Variants in AKAP6 observed in about 807,000 individuals in gnomAD.
The protein encoded by AKAP6 is A-kinase anchor protein 6.
A neutral mutation model predicts 188.5 loss-of-function variants in AKAP6; 58 were observed. That is an observed-to-expected ratio of 0.31 (90% CI 0.25 to 0.38). The LOEUF is 0.38. Among genes scored for constraint, AKAP6 ranks in the 10% least tolerant of loss-of-function variants. The probability of loss-of-function intolerance (pLI) is 1.00; values close to 1 mark genes in which losing one functional copy is unlikely to be tolerated. For synonymous variants in AKAP6, 989 were observed against 998.6 expected (o/e 0.99, Z 0.18); for missense variants, 2,710 against 2,740.0 (o/e 0.99, Z 0.24).
chr14:32,718,988 A>G (rs974210955), intron 9 of AKAP6, among the ~76,000 whole-genome samples: 5 of 152,326 alleles, frequency 3.3e-5, no homozygotes, highest in Admixed American at 3.3e-4. Flanking sequence ...TTCTGAAACC[A>G]TACTTATCCT....
chr14:32,424,748 G>A (rs976311130), intron 1 of AKAP6, among the ~76,000 whole-genome samples: 14 of 152,102 alleles, frequency 9.2e-5, no homozygotes, highest in Non-Finnish European at 1.0e-4. Flanking sequence ...GTGAGAACAT[G>A]CAGTATTTGG....
chr14:32,528,899 A>G (rs934973088), intron 2 of AKAP6, among the ~76,000 whole-genome samples: 2 of 152,062 alleles, frequency 1.3e-5, no homozygotes, highest in Non-Finnish European at 2.9e-5. Flanking sequence ...GCTTGTCTTA[A>G]ACTCCTGACT....
intron 2 of AKAP6, among the ~76,000 whole-genome samples, chr14:32,462,041 A>C (rs1465272808): frequency 2.6e-5 from 4 of 152,192 alleles, no homozygotes; most frequent in South Asian, 4.1e-4. Context: ...AAAAGAATGA[A>C]AAGGAATGAA....
At chr14:32,408,293 G>A (rs1889364195) in intron 1 of AKAP6, among the ~76,000 whole-genome samples, 1 of 152,030 alleles carries the variant, frequency 6.6e-6, no homozygotes, top group African/African-American at 2.4e-5. Context: ...AAATTTTAAT[G>A]ATTCTTCAAA....
chr14:32,594,049 A>AT (rs1223074371), intron 5 of AKAP6, among the ~76,000 whole-genome samples: 2 of 152,140 alleles, frequency 1.3e-5, no homozygotes, highest in Non-Finnish European at 1.5e-5. Flanking sequence ...ATTCGTAATG[A>AT]TTTTTTTAGC....
At chr14:32,604,808 A>T (rs1271303738) in intron 7 of AKAP6, among the ~76,000 whole-genome samples, 1 of 152,198 alleles carries the variant, frequency 6.6e-6, no homozygotes, top group Non-Finnish European at 1.5e-5. Context: ...GTAAATATAC[A>T]AGACTTCATT....
chr14:32,720,903 A>T (rs537483250), intron 9 of AKAP6, among the ~76,000 whole-genome samples: 1 of 152,198 alleles, frequency 6.6e-6, no homozygotes, highest in Non-Finnish European at 1.5e-5. Flanking sequence ...TTCAACAGAA[A>T]TAGCTGTGTT....
chr14:32,609,770 TA>T (rs1242581411), intron 7 of AKAP6, among the ~76,000 whole-genome samples: 1 of 151,984 alleles, frequency 6.6e-6, no homozygotes, highest in African/African-American at 2.4e-5. Flanking sequence ...TGGTAGAAGC[TA>T]AAAAACATTG....
Position 32,546,220 on chromosome 14 carries a change from A to G in AKAP6, c.1567A>G (p.Asn523Asp), listed in dbSNP as rs547688973. ...RGTGSGKQAK[N>D]TKSSAVPNGE... Reference sequence around the variant, plus strand: ...GACTGGTTCAGGCAAACAAGCTAAAAATACAAAGAGCTCAGCAGTGCCAAA... The same window carrying G: ...GACTGGTTCAGGCAAACAAGCTAAAGATACAAAGAGCTCAGCAGTGCCAAA... The change falls in exon 4 of 14, where the codon AAT (asparagine) becomes GAT (aspartate). Residue 523 changes from asparagine to aspartate, a missense_variant. This residue lies in a region of AKAP6 where 2,473 missense variants were observed against 2,426.1 expected (regional missense o/e 1.02). Transcript: ENST00000280979. 2.5e-5 allele frequency: 40 copies of G among 1,614,172 alleles called. 3 individuals carry two copies. In the South Asian group the frequency reaches 4.0e-4, roughly 16 times the overall value.
intron 4 of AKAP6, among the ~76,000 whole-genome samples, chr14:32,551,629 C>T (rs894800599): frequency 6.7e-6 from 1 of 148,446 alleles, no homozygotes; most frequent in East Asian, 2.0e-4. Context: ...CAGATCTCAC[C>T]ACATTCTGTA....
At chr14:32,735,964 AC>A in intron 11 of AKAP6, 82 bp downstream of exon 11, 1 of 1,064,364 alleles carries the variant, frequency 9.4e-7, no homozygotes, top group Non-Finnish European at 1.4e-6. Context: ...GAAGTATTAT[AC>A]CCATGTATCT....
intron 2 of AKAP6, among the ~76,000 whole-genome samples, chr14:32,486,057 C>T (rs964149576): frequency 6.6e-6 from 1 of 152,146 alleles, no homozygotes; most frequent in Non-Finnish European, 1.5e-5. Flanking sequence ...TTTCCCAACA[C>T]TGTTTATTAA....
At chr14:32,672,188 G>C (rs1396206544) in intron 7 of AKAP6, among the ~76,000 whole-genome samples, 1 of 152,258 alleles carries the variant, frequency 6.6e-6, no homozygotes, top group Non-Finnish European at 1.5e-5. Flanking sequence ...GTATTAATTT[G>C]TAGTCTGAAT....
intron 12 of AKAP6, among the ~76,000 whole-genome samples, chr14:32,809,824 G>T (rs146231186): frequency 2.3e-3 from 349 of 152,268 alleles, no homozygotes; most frequent in Admixed American, 4.2e-3. Context: ...CTCAGTAATC[G>T]CAGCCATGAC....
intron 7 of AKAP6, among the ~76,000 whole-genome samples, chr14:32,632,356 TA>T (rs1887310857): frequency 6.6e-6 from 1 of 152,108 alleles, no homozygotes; most frequent in African/African-American, 2.4e-5. Context: ...GAATGTTTAT[TA>T]AGTATTTAAT....
At chr14:32,775,647 G>A (rs140762200) in intron 12 of AKAP6, among the ~76,000 whole-genome samples, 2 of 152,164 alleles carry the variant, frequency 1.3e-5, no homozygotes, top group East Asian at 1.9e-4. Flanking sequence ...TGTTGCCCAG[G>A]CTGGTCTCAA....
intron 2 of AKAP6, among the ~76,000 whole-genome samples, chr14:32,473,581 C>G (rs556204100): frequency 6.6e-6 from 1 of 152,132 alleles, no homozygotes; most frequent in Non-Finnish European, 1.5e-5. Context: ...GGGTGAGGTG[C>G]TTGCTGCTTG....
At position 32,773,331 on chromosome 14, in the gene AKAP6, C is replaced by T. The variant is rs568936852; in HGVS notation, c.3373-347C>T. On this transcript the variant is annotated intron_variant, in intron 11 of 13. Coordinates refer to ENST00000280979, the MANE Select transcript of AKAP6 (RefSeq NM_004274.5). ...ATTTTTCTATCTTCTGCGTTTCCTT[C>T]GACCTTATGTCAAAGCATGTCAATC... 3.9e-5 allele frequency among the ~76,000 whole-genome samples: 6 copies of T among 152,232 alleles called. No homozygotes were observed. The South Asian group carries it at 6.2e-4, about 16-fold the overall frequency.
At position 32,454,963 on chromosome 14, in the gene AKAP6, C is replaced by T. The variant is rs561971700; in HGVS notation, c.324+21146C>T. 9.1e-5 allele frequency among the ~76,000 whole-genome samples: 13 copies of T among 142,994 alleles called. No individual in the cohort carries two copies. The South Asian group carries it at 2.8e-3, about 31-fold the overall frequency. The allele number at this position is 142,994 out of a possible 152,430, so 93.8% of individuals were successfully genotyped here. A position where few individuals can be genotyped will look rare whatever the true frequency, so the allele number is the denominator to read the frequency against. On this transcript the variant is annotated intron_variant, in intron 2 of 13. Transcript: ENST00000280979. ...CTCTTCCTCTCTTCCTCTGTTTCTCCCTTTCTCCCTTTCTTCCTTTCATTC... is the reference window on the plus strand; with the variant it reads ...CTCTTCCTCTCTTCCTCTGTTTCTCTCTTTCTCCCTTTCTTCCTTTCATTC...
Sources: gnomAD v4.1 joint callset for allele counts (sites outside exome capture counted in the v4.1 genomes callset) on GRCh38, gnomAD v4.1.1 for gene constraint, gnomAD v4.1.1 regional missense constraint, MANE v1.5 for transcripts, NCBI Gene and HGNC (gene_info 2026-07-23, HGNC 2026-07-21) for gene names.